LCORL: variants seen among roughly 807,000 people sequenced by gnomAD.
LCORL encodes the protein ligand dependent nuclear receptor corepressor like, also known as ligand-dependent nuclear receptor corepressor-like protein.
LCORL carries 41 observed loss-of-function variants against 141.8 expected under a neutral mutation model. That is an observed-to-expected ratio of 0.29 (90% confidence interval 0.23 to 0.38). The LOEUF is 0.38. Ranked by LOEUF, LCORL falls within the 10% of genes least tolerant of loss-of-function variation. The pLI is 1.00. For synonymous variants in LCORL, 618 were observed against 694.1 expected, an observed-to-expected ratio of 0.89 and a Z score of 1.72; for missense variants, 1,759 against 2,035.0, an observed-to-expected ratio of 0.86 and a Z score of 2.61.
intron 4 of LCORL, among the ~76,000 whole-genome samples, chr4:17,946,696 A>T (rs1738936624): frequency 6.6e-6 from 1 of 152,016 alleles, no homozygotes; most frequent in South Asian, 2.1e-4. Flanking sequence ...AATTATCCTT[A>T]AAAATCCCTT....
chr4:17,911,734 G>T, intron 4 of LCORL: 1 of 475,644 alleles, frequency 2.1e-6, no homozygotes. Context: ...CTCCGTCCAA[G>T]CGCCCAGCTA....
intron 1 of LCORL, among the ~76,000 whole-genome samples, chr4:17,990,649 T>TG (rs1719839073): frequency 6.6e-6 from 1 of 151,756 alleles, no homozygotes; most frequent in African/African-American, 2.4e-5. Context: ...TTGGTTTTTT[T>TG]TTTTTTTTTT....
chr4:17,953,397 C>T (rs950564738), intron 4 of LCORL, among the ~76,000 whole-genome samples: 13 of 152,164 alleles, frequency 8.5e-5, no homozygotes, highest in African/African-American at 2.4e-4. Context: ...TCCACAACTT[C>T]GCCTGCATCT....
At chr4:17,909,430 T>C in intron 4 of LCORL, 85 bp from the exon 5 acceptor site, 1 of 1,011,918 alleles carries the variant, frequency 9.9e-7, no homozygotes, top group Non-Finnish European at 1.4e-6. Flanking sequence ...TACAAATTAA[T>C]GACTTCAGAA....
At chr4:17,918,533 A>G (rs1260069509) in intron 4 of LCORL, among the ~76,000 whole-genome samples, 1 of 152,234 alleles carries the variant, frequency 6.6e-6, no homozygotes, top group African/African-American at 2.4e-5. Context: ...AACCAGACAG[A>G]AATTGTGATG....
chr4:17,920,814 T>G (rs998580452), intron 4 of LCORL, among the ~76,000 whole-genome samples: 2 of 152,230 alleles, frequency 1.3e-5, no homozygotes, highest in African/African-American at 4.8e-5. Context: ...TCTGTTAAAG[T>G]TTAAACATGA....
chr4:17,917,879 C>T (rs1418624210), intron 4 of LCORL, among the ~76,000 whole-genome samples: 1 of 152,172 alleles, frequency 6.6e-6, no homozygotes, highest in Non-Finnish European at 1.5e-5. Flanking sequence ...GTAAGTACAG[C>T]AAGCTATCAT....
intron 4 of LCORL, among the ~76,000 whole-genome samples, chr4:17,950,452 T>C (rs935629547): frequency 1.3e-5 from 2 of 152,202 alleles, no homozygotes; most frequent in African/African-American, 2.4e-5. Flanking sequence ...ATATTGATGA[T>C]GAATATCTGA....
chr4:17,997,944 T>C (rs1005666493), intron 1 of LCORL, among the ~76,000 whole-genome samples: 1 of 152,148 alleles, frequency 6.6e-6, no homozygotes, highest in African/African-American at 2.4e-5. Context: ...TGCTTAAAAA[T>C]GGAAACACAT....
intron 1 of LCORL, among the ~76,000 whole-genome samples, chr4:17,985,880 T>C (rs1177970982): frequency 1.3e-5 from 2 of 152,184 alleles, no homozygotes; most frequent in East Asian, 1.9e-4. Flanking sequence ...ACTTAAGTGT[T>C]CTTGTATTGG....
intron 1 of LCORL, among the ~76,000 whole-genome samples, chr4:17,979,045 C>G (rs528757033): frequency 1.5e-4 from 23 of 152,260 alleles, no homozygotes; most frequent in East Asian, 1.9e-4. Flanking sequence ...TATCCCTCCC[C>G]CATTGCCCCA....
intron 5 of LCORL, among the ~76,000 whole-genome samples, chr4:17,896,160 T>A (rs1235880272): frequency 6.6e-6 from 1 of 152,120 alleles, no homozygotes; most frequent in East Asian, 1.9e-4. Flanking sequence ...ACCAGCAATG[T>A]ATCAGGGGTC....
Position 18,021,694 on chromosome 4 carries a change from C to T in LCORL, c.58G>A (p.Ala20Thr). The change falls in exon 1 of 8, where the codon GCC becomes ACC. Residue 20 changes from alanine (A) to threonine (T), a missense_variant. By Grantham distance (58) the Ala-to-Thr change is moderately conservative (BLOSUM62 0). Around this residue, in one of 5 missense-constraint regions of LCORL, gnomAD observed 86 missense variants for 61.8 expected, o/e 1.39. Transcript: ENST00000635767. The surrounding 1 kb of genome is among the most constrained non-coding windows in gnomAD (Gnocchi z 5.5). ...CGAGGGCTCCGGCACTGAGCGGCGG[C>T]GGCGGCGGCGGCAGCAGCGGCGGCG... 1 of 1,532,782 alleles carries T rather than the reference C, an allele frequency of 6.5e-7. No homozygotes were observed. Among genetic ancestry groups the T allele is most frequent in the East Asian group, 2.5e-5 (1 of 39,910 alleles). The allele number at this position is 1,532,782 out of a possible 1,614,324, so 94.9% of individuals were successfully genotyped here. A position where few individuals can be genotyped will look rare whatever the true frequency, so the allele number is the denominator to read the frequency against.
At chr4:17,849,021 A>T (rs1577234262) in intron 7 of LCORL, among the ~76,000 whole-genome samples, 1 of 152,230 alleles carries the variant, frequency 6.6e-6, no homozygotes, top group African/African-American at 2.4e-5. Flanking sequence ...TAAACAAAGC[A>T]GCTGGGAAGC....
chr4:17,844,330 T>TTTCTC (rs1335456799), exon 8 of LCORL: 1 of 152,388 alleles, frequency 6.6e-6, no homozygotes, highest in Non-Finnish European at 1.5e-5. Flanking sequence ...CGAAACACCT[T>TTTCTC]TTCTCTTTAT....
At chr4:17,996,712 A>G (rs1720974053) in intron 1 of LCORL, among the ~76,000 whole-genome samples, 1 of 152,092 alleles carries the variant, frequency 6.6e-6, no homozygotes, top group Non-Finnish European at 1.5e-5. Flanking sequence ...TTATAATTCC[A>G]AACAGTAAGC....
At chr4:17,952,421 T>G (rs1711560789) in intron 4 of LCORL, among the ~76,000 whole-genome samples, 5 of 151,436 alleles carry the variant, frequency 3.3e-5, no homozygotes, top group Admixed American at 3.3e-4. Flanking sequence ...ACAATTTTTT[T>G]TTTTTTTTTT....
At chr4:17,877,541 T>C in exon 7 of LCORL, 1 of 1,230,664 alleles carries the variant, frequency 8.1e-7, no homozygotes, top group Non-Finnish European at 1.0e-6. Context: ...TGCTGCTGAT[T>C]TCTGCTGGTG....
intron 1 of LCORL, among the ~76,000 whole-genome samples, chr4:18,017,743 A>G (rs1175867124): frequency 6.6e-6 from 1 of 152,172 alleles, no homozygotes; most frequent in Non-Finnish European, 1.5e-5. Flanking sequence ...GGATCCCAGA[A>G]TAAGAGGAAA....
Sources: gnomAD v4.1 joint callset for allele counts (sites outside exome capture counted in the v4.1 genomes callset) on GRCh38, gnomAD v4.1.1 for gene constraint, gnomAD v4.1.1 regional missense constraint, Gnocchi (gnomAD v3.1) non-coding constraint, MANE v1.5 for transcripts, NCBI Gene and HGNC (gene_info 2026-07-23, HGNC 2026-07-21) for gene names.